The following HCN1 variants were observed in gnomAD, a reference collection of about 807,000 sequenced individuals.
HCN1 encodes the protein hyperpolarization activated cyclic nucleotide gated potassium channel 1.
HCN1 carries 13 observed loss-of-function variants against 78.9 expected under a neutral mutation model. That is an observed-to-expected ratio of 0.16 (90% CI 0.11 to 0.26). HCN1 has a LOEUF of 0.26. Among genes scored for constraint, HCN1 ranks in the 10% least tolerant of loss-of-function variants. The pLI is 1.00. For missense variants in HCN1, 810 were observed against 1,154.3 expected, an observed-to-expected ratio of 0.70 and a Z score of 4.32; for synonymous variants, 552 against 455.5, an observed-to-expected ratio of 1.21 and a Z score of -2.70.
At chr5:45,610,476 G>A (rs1010176227) in intron 2 of HCN1, among the ~76,000 whole-genome samples, 7 of 150,230 alleles carry the variant, frequency 4.7e-5, no homozygotes, top group Admixed American at 1.3e-4. Flanking sequence ...TATATATTGC[G>A]ATATGTGTGT....
intron 3 of HCN1, among the ~76,000 whole-genome samples, chr5:45,428,202 G>GA (rs753553968): frequency 1.3e-5 from 2 of 151,738 alleles, no homozygotes; most frequent in African/African-American, 4.8e-5. Flanking sequence ...TAAATACTTT[G>GA]AAAAAAACAG....
At chr5:45,390,495 TA>T (rs201969501) in intron 4 of HCN1, among the ~76,000 whole-genome samples, 6,964 of 150,916 alleles carry the variant, frequency 0.046, 568 homozygotes, top group African/African-American at 0.16. Context: ...ATATGTGCTG[TA>T]AAAAATAATA....
chr5:45,583,011 G>T (rs57222913), intron 2 of HCN1, among the ~76,000 whole-genome samples: 1,961 of 151,594 alleles, frequency 0.013, 40 homozygotes, highest in African/African-American at 0.046. Context: ...CTCTGCCAGG[G>T]TTTGGTATCA....
At chr5:45,423,339 A>C (rs1740266695) in intron 3 of HCN1, among the ~76,000 whole-genome samples, 1 of 152,146 alleles carries the variant, frequency 6.6e-6, no homozygotes, top group African/African-American at 2.4e-5. Flanking sequence ...AATCTCCTAA[A>C]TCCATCTCCT....
At chr5:45,449,007 G>A (rs941331586) in intron 3 of HCN1, among the ~76,000 whole-genome samples, 1 of 152,070 alleles carries the variant, frequency 6.6e-6, no homozygotes, top group African/African-American at 2.4e-5. Context: ...CCAGTTACTC[G>A]GGAGGCTGAG....
At chr5:45,680,114 A>G (rs1441133114) in intron 1 of HCN1, among the ~76,000 whole-genome samples, 3 of 152,124 alleles carry the variant, frequency 2.0e-5, no homozygotes, top group Admixed American at 6.6e-5. Context: ...TATCAGTTTT[A>G]TTTTACATAG....
chr5:45,466,717 A>G (rs1383662649), intron 2 of HCN1, among the ~76,000 whole-genome samples: 2 of 152,160 alleles, frequency 1.3e-5, no homozygotes, highest in Non-Finnish European at 2.9e-5. Context: ...GGTAAAATAA[A>G]TATTTTAAAA....
In HCN1 at chr5:45,404,030, T is replaced by A. The variant is rs113600489; in HGVS notation, c.1012-7320A>T. On this transcript the variant is annotated intron_variant, in intron 3 of 7. Coordinates refer to ENST00000303230, the MANE Select transcript of HCN1 (RefSeq NM_021072.4). ...TTTATAAGCCTACAAAAGTCATAGG[T>A]TTTTTTGCCCCACTTCGGGCATCCT... Among the ~76,000 whole-genome samples, 27 of 152,212 alleles carry A rather than the reference T, an allele frequency of 1.8e-4. 1 individual carries two copies. Among genetic ancestry groups the A allele is most frequent in the African/African-American group, 4.1e-4 (17 of 41,552 alleles).
intron 2 of HCN1, among the ~76,000 whole-genome samples, chr5:45,566,678 G>A (rs1378945961): frequency 2.6e-5 from 4 of 152,100 alleles, no homozygotes; most frequent in Non-Finnish European, 4.4e-5. Context: ...AATGGAGACA[G>A]ACTAAATAAA....
chr5:45,297,725 C>A (rs1018813368), intron 6 of HCN1, among the ~76,000 whole-genome samples: 6 of 151,942 alleles, frequency 3.9e-5, no homozygotes, highest in African/African-American at 1.4e-4. Context: ...AAAATATTAG[C>A]AAATCCAATC....
At chr5:45,373,044 A>C (rs1337783453) in intron 4 of HCN1, among the ~76,000 whole-genome samples, 2 of 136,994 alleles carry the variant, frequency 1.5e-5, no homozygotes, top group Admixed American at 1.6e-4. Flanking sequence ...TAAATATATA[A>C]AATATAATAT....
chr5:45,443,374 G>T (rs1476766681), intron 3 of HCN1, among the ~76,000 whole-genome samples: 1 of 151,956 alleles, frequency 6.6e-6, no homozygotes, highest in Non-Finnish European at 1.5e-5. Context: ...ATTATCTAAA[G>T]GTTTTGATTA....
chr5:45,576,579 C>A lies in HCN1; in HGVS notation c.849+68606G>T, dbSNP rs940793081. 4 of 152,056 alleles carry A rather than the reference C, an allele frequency of 2.6e-5. 1 individual carries two copies. The highest frequency in any genetic ancestry group is 1.3e-4 in the Admixed American group (2 of 15,222). The allele number at this position is 152,056 out of a possible 1,614,324, so 9.4% of individuals were successfully genotyped here. On this transcript the variant is annotated intron_variant, in intron 2 of 7. Coordinates refer to ENST00000303230, the MANE Select transcript of HCN1 (RefSeq NM_021072.4). ...TCATCAACATCAAAGCAAGACCTCC[C>A]ACCAGCAAAAAGTATCACTAGTTGA... is the stretch of plus-strand genomic sequence containing the variant.
At chr5:45,686,080 CACTATATAT>C (rs1739803252) in intron 1 of HCN1, among the ~76,000 whole-genome samples, 1 of 151,720 alleles carries the variant, frequency 6.6e-6, no homozygotes, top group African/African-American at 2.4e-5. Context: ...TATATATACA[CACTATATAT>C]ACTATATACC....
At chr5:45,490,208 T>C (rs1431542134) in intron 2 of HCN1, among the ~76,000 whole-genome samples, 3 of 152,146 alleles carry the variant, frequency 2.0e-5, no homozygotes. Context: ...AACTAGGTCA[T>C]AGAATGCCAA....
chr5:45,383,182 G>A (rs533144513), intron 4 of HCN1, among the ~76,000 whole-genome samples: 7 of 152,240 alleles, frequency 4.6e-5, no homozygotes, highest in African/African-American at 1.7e-4. Context: ...TATCGTCTAT[G>A]CATTTTCTAC....
At position 45,262,161 on chromosome 5, in the gene HCN1, G is replaced by A; in HGVS notation, c.2433C>T (p.Ser811=). Residue 811 remains serine (S), a synonymous_variant, in exon 8 of 8, where the codon TCC becomes TCT. Coordinates refer to ENST00000303230, the MANE Select transcript of HCN1 (RefSeq NM_021072.4). ...TCACGGGTTGAGGGATGGAGGCCAG[G>A]GACTCGCCCACAGTGGGATGAGGTC... ...ISRPHPTVGE[S]LASIPQPVTA... 1 of 1,613,952 alleles carries A rather than the reference G, an allele frequency of 6.2e-7. No individual in the cohort carries two copies. Among genetic ancestry groups the A allele is most frequent in the Non-Finnish European group, 8.5e-7 (1 of 1,179,978 alleles).
At chr5:45,560,553 T>C (rs778046720) in intron 2 of HCN1, among the ~76,000 whole-genome samples, 27 of 151,998 alleles carry the variant, frequency 1.8e-4, no homozygotes, top group Non-Finnish European at 3.7e-4. Flanking sequence ...TTTAAAAATA[T>C]ATAATTTTTG....
At chr5:45,374,668 C>A (rs1042400992) in intron 4 of HCN1, among the ~76,000 whole-genome samples, 1 of 150,212 alleles carries the variant, frequency 6.7e-6, no homozygotes, top group Admixed American at 6.8e-5. Flanking sequence ...CATCCTGATA[C>A]CAAAACCCGG....
Sources: gnomAD v4.1 joint callset for allele counts (sites outside exome capture counted in the v4.1 genomes callset) on GRCh38, gnomAD v4.1.1 for gene constraint, MANE v1.5 for transcripts, NCBI Gene and HGNC (gene_info 2026-07-23, HGNC 2026-07-21) for gene names.